GRIK1: variants seen among roughly 807,000 people sequenced by gnomAD.
GRIK1 encodes the protein glutamate receptor ionotropic, kainate 1.
Under a neutral mutation model 105.7 loss-of-function variants are expected in GRIK1, and 69 were observed. The ratio of observed to expected loss-of-function variants is 0.65; its 90% CI spans 0.54 to 0.80. The LOEUF is 0.80. Ranked by LOEUF, GRIK1 falls within the 30% of genes least tolerant of loss-of-function variation. The pLI is 0.00. For synonymous variants in GRIK1, 438 were observed against 431.3 expected, an observed-to-expected ratio of 1.02 and a Z score of -0.19; for missense variants, 1,109 against 1,167.3, an observed-to-expected ratio of 0.95 and a Z score of 0.73.
At chr21:29,699,933 G>A (rs1016217603) in intron 1 of GRIK1, among the ~76,000 whole-genome samples, 4 of 152,174 alleles carry the variant, frequency 2.6e-5, no homozygotes, top group Non-Finnish European at 5.9e-5. Flanking sequence ...ACAGGCGTGA[G>A]CCACCGTGCC....
Position 29,654,830 on chromosome 21 carries a change from G to T in GRIK1, c.760C>A (p.His254Asn). The change falls in exon 5 of 18, where the codon CAC (histidine) becomes AAC (asparagine). Residue 254 changes from histidine (H) to asparagine (N), a missense_variant. His to Asn is a moderately conservative substitution (Grantham distance 68). Coordinates refer to ENST00000327783, the MANE Select transcript of GRIK1 (RefSeq NM_001330994.2). ...CTTACCAGGGTTGTGAAAAAGTAGT[G>T]ATAGTACTCGGTCATCATGCCCATG... ...LFMGMMTEYY[H>N]YFFTTLDLFA... 6.3e-7 allele frequency: 1 copy of T among 1,584,632 alleles called. No individual in the cohort carries two copies. The highest frequency in any genetic ancestry group is 8.7e-7 in the Non-Finnish European group (1 of 1,153,074).
chr21:29,668,995 C>A (rs866677074), intron 4 of GRIK1, among the ~76,000 whole-genome samples: 10 of 152,096 alleles, frequency 6.6e-5, no homozygotes, highest in Admixed American at 2.6e-4. Flanking sequence ...ACACATGCGA[C>A]CTTCTGGTTT....
At chr21:29,596,490 C>G in intron 9 of GRIK1, 36 bp downstream of exon 9, 1 of 1,454,592 alleles carries the variant, frequency 6.9e-7, no homozygotes, top group Non-Finnish European at 9.7e-7. Flanking sequence ...CCCATCCCAC[C>G]CCCAGGTTTC....
chr21:29,815,342 A>G (rs529119269), intron 1 of GRIK1, among the ~76,000 whole-genome samples: 2 of 152,296 alleles, frequency 1.3e-5, no homozygotes, highest in East Asian at 3.9e-4. Flanking sequence ...AGATATTTGT[A>G]GTGGATATCT....
chr21:29,695,934 G>A (rs1037766170), intron 1 of GRIK1, among the ~76,000 whole-genome samples: 10 of 152,130 alleles, frequency 6.6e-5, no homozygotes, highest in African/African-American at 1.9e-4. Context: ...AGTCTGAAAC[G>A]AAAATCACAA....
chr21:29,629,777 C>G (rs2062222547), intron 7 of GRIK1, among the ~76,000 whole-genome samples: 1 of 152,176 alleles, frequency 6.6e-6, no homozygotes, highest in African/African-American at 2.4e-5. Flanking sequence ...GCGTGAGCCA[C>G]CGCGCCTGGC....
chr21:29,567,943 C>A (rs181641024), intron 14 of GRIK1, among the ~76,000 whole-genome samples: 1 of 152,132 alleles, frequency 6.6e-6, no homozygotes, highest in Admixed American at 6.5e-5. Flanking sequence ...ATGAACACTG[C>A]AGTTGATTAT....
At position 29,583,898 on chromosome 21, in the gene GRIK1, T is replaced by C. The variant is rs1277274930; in HGVS notation, c.1794-2355A>G. On this transcript the variant is annotated intron_variant, in intron 12 of 17. Coordinates refer to ENST00000327783, the MANE Select transcript of GRIK1 (RefSeq NM_001330994.2). Reference sequence around the variant, plus strand: ...ACAGCAGTGTCAGTATTAGGAAGTCTGGTGAAAAGATTAATATATGACCTA... The same window carrying C: ...ACAGCAGTGTCAGTATTAGGAAGTCCGGTGAAAAGATTAATATATGACCTA... Among the ~76,000 whole-genome samples, 3 of 152,204 alleles carry C rather than the reference T, an allele frequency of 2.0e-5. No homozygotes were observed. In the East Asian group the frequency reaches 5.8e-4, roughly 29 times the overall value.
chr21:29,562,669 A>G (rs2090510256), intron 14 of GRIK1, among the ~76,000 whole-genome samples: 1 of 152,148 alleles, frequency 6.6e-6, no homozygotes, highest in African/African-American at 2.4e-5. Flanking sequence ...AAAAAAAAGA[A>G]GAAAAATCTT....
intron 1 of GRIK1, among the ~76,000 whole-genome samples, chr21:29,908,273 C>A (rs1490080273): frequency 6.6e-6 from 1 of 152,066 alleles, no homozygotes. Context: ...TTCCCTAATT[C>A]TCTAATAACT....
At chr21:29,556,008 A>T (rs2090244983) in intron 15 of GRIK1, among the ~76,000 whole-genome samples, 1 of 152,154 alleles carries the variant, frequency 6.6e-6, no homozygotes, top group Non-Finnish European at 1.5e-5. Flanking sequence ...ATTAAACAAG[A>T]TCCTGATTTC....
Position 29,676,120 on chromosome 21 carries a change from G to A in GRIK1, c.545-2956C>T, listed in dbSNP as rs545337796. Among the ~76,000 whole-genome samples the A allele has an allele frequency of 3.3e-5, 5 of 152,158 alleles. 1 individual carries two copies. Among genetic ancestry groups the A allele is most frequent in the South Asian group, 2.1e-4 (1 of 4,820 alleles). ...GAAGGTATATTTTAATACCAATAGAGGAAATAGGAGAACAATTCAGTCCAA... is the reference window on the plus strand; with the variant it reads ...GAAGGTATATTTTAATACCAATAGAAGAAATAGGAGAACAATTCAGTCCAA... On this transcript the variant is annotated intron_variant, in intron 3 of 17. Coordinates refer to ENST00000327783, the MANE Select transcript of GRIK1 (RefSeq NM_001330994.2).
intron 1 of GRIK1, among the ~76,000 whole-genome samples, chr21:29,798,916 G>C (rs1029003383): frequency 6.6e-6 from 1 of 152,172 alleles, no homozygotes; most frequent in African/African-American, 2.4e-5. Flanking sequence ...GGTGGAGGTA[G>C]GAGTGAAGAT....
chr21:29,746,391 T>C (rs1412472083), intron 1 of GRIK1, among the ~76,000 whole-genome samples: 1 of 152,226 alleles, frequency 6.6e-6, no homozygotes, highest in Admixed American at 6.5e-5. Context: ...CAAATACAGA[T>C]AGTGACATCA....
At chr21:29,860,649 A>C (rs1287178582) in intron 1 of GRIK1, among the ~76,000 whole-genome samples, 1 of 152,250 alleles carries the variant, frequency 6.6e-6, no homozygotes, top group Non-Finnish European at 1.5e-5. Context: ...CTTTAAATGC[A>C]AAGCATGTAG....
chr21:29,889,137 CA>C (rs1424470817), intron 1 of GRIK1, among the ~76,000 whole-genome samples: 2 of 152,036 alleles, frequency 1.3e-5, no homozygotes, highest in Non-Finnish European at 2.9e-5. Flanking sequence ...AAAAGTATAC[CA>C]GACATTTTTG....
At chr21:29,834,420 T>A (rs1305882964) in intron 1 of GRIK1, among the ~76,000 whole-genome samples, 1 of 151,042 alleles carries the variant, frequency 6.6e-6, no homozygotes, top group Non-Finnish European at 1.5e-5. Context: ...CTATAACCCA[T>A]TACCACTACT....
chr21:29,659,874 A>C (rs1369634919), intron 4 of GRIK1, among the ~76,000 whole-genome samples: 2 of 152,172 alleles, frequency 1.3e-5, no homozygotes, highest in East Asian at 1.9e-4. Context: ...AGGCAGGAGA[A>C]TCACTTGAAC....
At chr21:29,789,515 C>T (rs556639875) in intron 1 of GRIK1, among the ~76,000 whole-genome samples, 1 of 152,212 alleles carries the variant, frequency 6.6e-6, no homozygotes, top group African/African-American at 2.4e-5. Context: ...CTCCCCCATA[C>T]CTGGCTCCTT....
Sources: allele counts gnomAD v4.1 joint callset (sites outside exome capture counted in the v4.1 genomes callset), GRCh38; gene constraint gnomAD v4.1.1; transcripts MANE v1.5; gene names NCBI Gene and HGNC (gene_info 2026-07-23, HGNC 2026-07-21).